The following ACO2 variants were observed in gnomAD, a reference collection of about 807,000 sequenced individuals.
ACO2 encodes aconitase 2.
In ACO2, 31 loss-of-function variants were observed where a neutral mutation model predicts 84.5. That is an observed-to-expected ratio of 0.37 (90% confidence interval 0.28 to 0.50). ACO2 has a LOEUF of 0.50. Ranked by LOEUF, ACO2 falls within the 20% of genes least tolerant of loss-of-function variation. The pLI is 0.97. For synonymous variants in ACO2, 414 were observed against 412.7 expected, an observed-to-expected ratio of 1.00 and a Z score of -0.04; for missense variants, 685 against 1,029.3, an observed-to-expected ratio of 0.67 and a Z score of 4.58.
At chr22:41,483,202 G>A (rs1199801388) in intron 1 of ACO2, among the ~76,000 whole-genome samples, 1 of 152,222 alleles carries the variant, frequency 6.6e-6, no homozygotes, top group African/African-American at 2.4e-5. Flanking sequence ...TAGGCTCCAA[G>A]TATGGGAAAA....
intron 1 of ACO2, among the ~76,000 whole-genome samples, chr22:41,478,765 T>C (rs1040793493): frequency 8.2e-5 from 10 of 122,408 alleles, no homozygotes; most frequent in Non-Finnish European, 1.3e-4. Context: ...ACATATCTTC[T>C]TTTTTTTTTT....
intron 2 of ACO2, among the ~76,000 whole-genome samples, chr22:41,504,322 G>T (rs973794242): frequency 1.3e-5 from 2 of 152,244 alleles, no homozygotes; most frequent in African/African-American, 4.8e-5. Context: ...GTCTCCAACA[G>T]AAGGGGTCTA....
intron 1 of ACO2, among the ~76,000 whole-genome samples, chr22:41,473,232 C>T (rs896332512): frequency 6.6e-5 from 10 of 152,092 alleles, no homozygotes; most frequent in African/African-American, 2.2e-4. Context: ...TGGCTGGGCT[C>T]GGTGGCTCAC....
At chr22:41,524,766 T>C (rs1459994905) in intron 12 of ACO2, 80 bp from the exon 13 acceptor site, 7 of 1,594,878 alleles carry the variant, frequency 4.4e-6, no homozygotes, top group African/African-American at 1.3e-5. Flanking sequence ...CTTTCTCAGT[T>C]TTGGCCTAGG....
At chr22:41,518,602 G>A in intron 8 of ACO2, 30 bp downstream of exon 8, 2 of 1,546,822 alleles carry the variant, frequency 1.3e-6, no homozygotes, top group African/African-American at 1.4e-5. Context: ...GGTTCAAGAA[G>A]TTTCTGAGAG....
At chr22:41,483,255 C>T (rs958265702) in intron 1 of ACO2, among the ~76,000 whole-genome samples, 1 of 152,052 alleles carries the variant, frequency 6.6e-6, no homozygotes, top group African/African-American at 2.4e-5. Flanking sequence ...TGTTGGATGG[C>T]CTTATGGGTG....
rs77368639 is a variant in ACO2, at chr22:41,474,916, A to G, written c.36+5734A>G. Among the ~76,000 whole-genome samples, 1,393 of 151,992 alleles carry G rather than the reference A, an allele frequency of 9.2e-3. 27 individuals are homozygous for G. The highest frequency in any genetic ancestry group is 0.032 in the African/African-American group (1,329 of 41,474). ...ACCCGGCCTGCACAGTACTTATAAA[A>G]ATTAGCTAAGGGCAGAATCTCATTG... On this transcript the variant is annotated intron_variant, in intron 1 of 17. Coordinates refer to ENST00000216254, the MANE Select transcript of ACO2 (RefSeq NM_001098.3).
rs568269435 is a variant in ACO2, at chr22:41,483,524, G to A, written c.36+14342G>A. 3.9e-5 allele frequency among the ~76,000 whole-genome samples: 6 copies of A among 152,218 alleles called. 1 individual carries two copies. In the South Asian group the frequency reaches 1.2e-3, roughly 32 times the overall value. ...ATACAAAAATTAGCTGGGCGTGGTG[G>A]TGCATGCCTGTAATCCCAGCTACTC... On this transcript the variant is annotated intron_variant, in intron 1 of 17. Coordinates refer to ENST00000216254, the MANE Select transcript of ACO2 (RefSeq NM_001098.3).
At chr22:41,501,029 G>A (rs1333017684) in intron 2 of ACO2, among the ~76,000 whole-genome samples, 2 of 150,920 alleles carry the variant, frequency 1.3e-5, no homozygotes, top group African/African-American at 4.9e-5. Flanking sequence ...TTTGAGACAG[G>A]GTCTCACTCT....
Position 41,523,965 on chromosome 22 carries a change from A to G in ACO2, c.1482+24A>G, listed in dbSNP as rs759613100. On this transcript the variant is annotated intron_variant, in intron 12 of 17. Coordinates refer to ENST00000216254, the MANE Select transcript of ACO2 (RefSeq NM_001098.3). ...AGGTGAGACTGCCCAGCTGCGCACA[A>G]GCCTGGGATGGCCTCTGGGGGTCCC... 5 of 1,605,814 alleles carry G rather than the reference A, an allele frequency of 3.1e-6. No homozygotes were observed. The South Asian group carries it at 5.5e-5, about 18-fold the overall frequency.
chr22:41,499,254 T>C (rs2066336830), intron 1 of ACO2, among the ~76,000 whole-genome samples: 1 of 152,152 alleles, frequency 6.6e-6, no homozygotes. Context: ...TAGAGATGAG[T>C]AAGATAAATA....
chr22:41,495,308 C>T (rs951935410), intron 1 of ACO2, among the ~76,000 whole-genome samples: 2 of 152,190 alleles, frequency 1.3e-5, no homozygotes, highest in African/African-American at 2.4e-5. Context: ...GTTGGGATTA[C>T]AGGTGTGAGC....
chr22:41,495,626 CT>C (rs5845503), intron 1 of ACO2, among the ~76,000 whole-genome samples: 20 of 146,022 alleles, frequency 1.4e-4, no homozygotes, highest in Admixed American at 2.0e-4. Flanking sequence ...ATTTTTATTT[CT>C]TTTTTTTTTT....
chr22:41,503,030 G>C (rs1309634784), intron 2 of ACO2, among the ~76,000 whole-genome samples: 2 of 152,222 alleles, frequency 1.3e-5, no homozygotes, highest in African/African-American at 2.4e-5. Flanking sequence ...ACAGGCCTGA[G>C]CCACTGTGCC....
chr22:41,475,847 G>A (rs1244704015), intron 1 of ACO2, among the ~76,000 whole-genome samples: 1 of 149,734 alleles, frequency 6.7e-6, no homozygotes, highest in African/African-American at 2.5e-5. Flanking sequence ...GCAGTGAGCC[G>A]AGATCGCGCC....
chr22:41,473,962 G>A (rs2037976616), intron 1 of ACO2, among the ~76,000 whole-genome samples: 1 of 152,138 alleles, frequency 6.6e-6, no homozygotes, highest in Non-Finnish European at 1.5e-5. Context: ...TCCAAGTGTA[G>A]TGAAAACTGG....
chr22:41,487,787 C>G (rs988876908), intron 1 of ACO2, among the ~76,000 whole-genome samples: 4 of 151,966 alleles, frequency 2.6e-5, no homozygotes, highest in Admixed American at 6.6e-5. Context: ...ATCAGATAGT[C>G]CAATGTCCAG....
chr22:41,508,170 G>A (rs899960662), intron 3 of ACO2, 121 bp downstream of exon 3: 10 of 1,309,464 alleles, frequency 7.6e-6, no homozygotes, highest in Non-Finnish European at 1.0e-5. Context: ...GGATTGGTCT[G>A]CTTTTAAAAC....
In ACO2 at chr22:41,515,977, G is replaced by C; in HGVS notation, c.835+60G>C. The stretch of plus-strand genomic sequence containing the variant: ...CTGTGCTGGGCCTGATGGGTCTCCA[G>C]TTGGGAGTAGAAGCGGTGAATGGCC... On this transcript the variant is annotated intron_variant, in intron 6 of 17. Transcript: ENST00000216254. This position sits in a 1 kb window ranked among gnomAD's most constrained non-coding sequence, Gnocchi z 5.8. The C allele has an allele frequency of 1.3e-6, 2 of 1,573,920 alleles. No homozygotes were observed. The highest frequency in any genetic ancestry group is 2.3e-5 in the South Asian group (2 of 87,064).
Sources: allele counts gnomAD v4.1 joint callset (sites outside exome capture counted in the v4.1 genomes callset), GRCh38; gene constraint gnomAD v4.1.1; non-coding constraint Gnocchi (gnomAD v3.1); transcripts MANE v1.5; gene names NCBI Gene and HGNC (gene_info 2026-07-23, HGNC 2026-07-21).